Variants in IL21 observed in about 807,000 individuals in gnomAD.
The protein encoded by IL21 is interleukin 21, also known as interleukin-21.
A neutral mutation model predicts 18.4 loss-of-function variants in IL21; 3 were observed. The ratio of observed to expected loss-of-function variants is 0.16; its 90% CI spans 0.07 to 0.42. The LOEUF (loss-of-function observed/expected upper bound fraction) is 0.42. IL21 is among the 10% of genes least tolerant of loss of function. The pLI is 0.99. For synonymous variants in IL21, 37 were observed against 62.0 expected, an observed-to-expected ratio of 0.60 and a Z score of 1.90; for missense variants, 130 against 188.4, an observed-to-expected ratio of 0.69 and a Z score of 1.81.
At chr4:122,618,318 A>G (rs1478182044) in intron 2 of IL21, among the ~76,000 whole-genome samples, 1 of 150,270 alleles carries the variant, frequency 6.7e-6, no homozygotes, top group Non-Finnish European at 1.5e-5. Context: ...AGGATGTCTC[A>G]CTATTTTGCC....
At chr4:122,614,002 T>C (rs985724209) in intron 3 of IL21, among the ~76,000 whole-genome samples, 5 of 152,210 alleles carry the variant, frequency 3.3e-5, no homozygotes, top group African/African-American at 1.2e-4. Flanking sequence ...TCTTTATCCC[T>C]ATTTAGATAC....
In IL21 at chr4:122,610,639, A is replaced by G. The variant is rs567811113; in HGVS notation, c.*2071T>C. 2.4e-3 allele frequency among the ~76,000 whole-genome samples: 372 copies of G among 152,352 alleles called. 3 individuals are homozygous for G. The highest frequency in any genetic ancestry group is 4.6e-3 in the Non-Finnish European group (311 of 68,022). ...GTCCAGCACTCTCATTCTACAGATA[A>G]AGAAATGGAAACCCAAAGAGTTTAA... On this transcript the variant is annotated 3_prime_UTR_variant, in exon 5 of 5. Transcript: ENST00000648588.
intron 3 of IL21, among the ~76,000 whole-genome samples, chr4:122,615,091 C>A (rs1015965432): frequency 1.3e-5 from 2 of 152,212 alleles, no homozygotes; most frequent in Non-Finnish European, 2.9e-5. Flanking sequence ...CAGTTGGATT[C>A]TCTGCCTAAT....
chr4:122,618,949 A>T (rs1799383255), intron 2 of IL21: 1 of 151,980 alleles, frequency 6.6e-6, no homozygotes, highest in Admixed American at 6.6e-5. Context: ...GCATTCTAGA[A>T]TGTTTAGTAC....
At chr4:122,615,174 T>G (rs1799318311) in intron 3 of IL21, among the ~76,000 whole-genome samples, 1 of 152,156 alleles carries the variant, frequency 6.6e-6, no homozygotes, top group Non-Finnish European at 1.5e-5. Flanking sequence ...ATAATTGGGT[T>G]TTTGAATACT....
Position 122,613,666 on chromosome 4 carries a change from A to G in IL21, c.361-738T>C, listed in dbSNP as rs561893123. On this transcript the variant is annotated intron_variant, in intron 3 of 4. Transcript: ENST00000648588. ...CACACCCAGCTGTATCTAACTTTTT[A>G]TTTTTGTCTACATTACTCCAAAGAA... is the stretch of plus-strand genomic sequence containing the variant. 3.9e-5 allele frequency among the ~76,000 whole-genome samples: 6 copies of G among 151,970 alleles called. No individual in the cohort carries two copies. In the East Asian group the frequency reaches 1.2e-3, roughly 29 times the overall value.
At chr4:122,614,280 A>G (rs1799307087) in intron 3 of IL21, among the ~76,000 whole-genome samples, 2 of 152,140 alleles carry the variant, frequency 1.3e-5, no homozygotes, top group South Asian at 4.1e-4. Flanking sequence ...CTTTCTGAGG[A>G]AAGATTTAGA....
chr4:122,617,205 C>T lies in IL21; in HGVS notation c.205-1368G>A, dbSNP rs890684150. Among the ~76,000 whole-genome samples the T allele has an allele frequency of 3.9e-5, 6 of 152,290 alleles. No individual in the cohort carries two copies. In the East Asian group the frequency reaches 1.2e-3, roughly 29 times the overall value. ...CATAAGGGCAAGGTGGTGTCCTTTC[C>T]ATATGTTTGCCAAAATGCTTATTTA... On this transcript the variant is annotated intron_variant, in intron 2 of 4. Transcript: ENST00000648588.
intron 2 of IL21, among the ~76,000 whole-genome samples, chr4:122,618,142 G>A (rs1210561418): frequency 6.6e-6 from 1 of 152,222 alleles, no homozygotes; most frequent in East Asian, 1.9e-4. Flanking sequence ...ACTAGAAGGA[G>A]CGGTAGTAAA....
At chr4:122,615,323 C>G (rs1046006365) in intron 3 of IL21, among the ~76,000 whole-genome samples, 5 of 152,244 alleles carry the variant, frequency 3.3e-5, no homozygotes, top group African/African-American at 1.2e-4. Flanking sequence ...AGATCGAGAC[C>G]ATCCTGGCTA....
intron 3 of IL21, among the ~76,000 whole-genome samples, chr4:122,613,865 A>C (rs1391364472): frequency 3.3e-5 from 5 of 152,210 alleles, no homozygotes; most frequent in African/African-American, 1.2e-4. Context: ...TAAAATGTTT[A>C]ATTGGAAAAA....
rs953154949 is a variant in IL21 at position 122,612,339 on chromosome 4, G to T, written c.*371C>A. 5.3e-5 allele frequency among the ~76,000 whole-genome samples: 8 copies of T among 151,966 alleles called. No homozygotes were observed. The highest frequency in any genetic ancestry group is 1.2e-4 in the Non-Finnish European group (8 of 67,966). On this transcript the variant is annotated 3_prime_UTR_variant, in exon 5 of 5. Coordinates refer to ENST00000648588, the MANE Select transcript of IL21 (RefSeq NM_021803.4). ...ATGCTTCTATATTATCAGCTGGAAT[G>T]AAGGTATATATGTTTTAAGTTATGA...
intron 2 of IL21, chr4:122,619,300 C>T (rs1029036475): frequency 3.3e-5 from 5 of 152,160 alleles, no homozygotes; most frequent in African/African-American, 1.2e-4. Context: ...CCTGAGTTTG[C>T]CTACTAGTAT....
chr4:122,618,053 C>A (rs1466885005), intron 2 of IL21, among the ~76,000 whole-genome samples: 1 of 152,110 alleles, frequency 6.6e-6, no homozygotes, highest in Non-Finnish European at 1.5e-5. Flanking sequence ...ACAACAGACT[C>A]CAAAGGCAAG....
At chr4:122,614,580 G>A (rs7686637) in intron 3 of IL21, among the ~76,000 whole-genome samples, 13,360 of 151,932 alleles carry the variant, frequency 0.088, 1,914 homozygotes, top group African/African-American at 0.3. Context: ...GATGGTGTGC[G>A]CCTGTAGTTC....
At chr4:122,614,236 C>T (rs1249807417) in intron 3 of IL21, among the ~76,000 whole-genome samples, 1 of 152,166 alleles carries the variant, frequency 6.6e-6, no homozygotes, top group Non-Finnish European at 1.5e-5. Flanking sequence ...AAAGCTACCA[C>T]TTCATGAGTT....
intron 2 of IL21, chr4:122,619,436 T>G (rs1723100167): frequency 6.6e-6 from 1 of 152,164 alleles, no homozygotes; most frequent in African/African-American, 2.4e-5. Flanking sequence ...ATAAAAAATA[T>G]CTTTCATTAA....
intron 2 of IL21, 115 bp downstream of exon 2, chr4:122,620,586 C>A (rs1799412404): frequency 4.6e-6 from 4 of 867,998 alleles, no homozygotes; most frequent in South Asian, 1.8e-5. Flanking sequence ...AATTATTAGA[C>A]CGCTAAGTTC....
At chr4:122,615,039 C>T (rs908582859) in intron 3 of IL21, among the ~76,000 whole-genome samples, 3 of 152,170 alleles carry the variant, frequency 2.0e-5, no homozygotes, top group Admixed American at 2.0e-4. Flanking sequence ...TACAAGTTAT[C>T]TGTGACCATA....
Sources: allele counts gnomAD v4.1 joint callset (sites outside exome capture counted in the v4.1 genomes callset), GRCh38; gene constraint gnomAD v4.1.1; transcripts MANE v1.5; gene names NCBI Gene and HGNC (gene_info 2026-07-23, HGNC 2026-07-21).